Variants in CPEB3 observed in about 807,000 individuals in gnomAD.
CPEB3 encodes cytoplasmic polyadenylation element-binding protein 3.
Under a neutral mutation model 67.2 loss-of-function variants are expected in CPEB3, and 20 were observed. The ratio of observed to expected loss-of-function variants is 0.30; its 90% CI spans 0.21 to 0.43. The LOEUF (loss-of-function observed/expected upper bound fraction) is 0.43. CPEB3 is among the 20% of genes least tolerant of loss of function. The pLI is 1.00. For synonymous variants in CPEB3, 376 were observed against 393.1 expected (o/e 0.96, Z 0.51); for missense variants, 746 against 968.6 (o/e 0.77, Z 3.05).
chr10:92,098,378 G>A (rs1285559780), intron 7 of CPEB3, among the ~76,000 whole-genome samples: 1 of 151,312 alleles, frequency 6.6e-6, no homozygotes, highest in Non-Finnish European at 1.5e-5. Flanking sequence ...GCACGATCTT[G>A]GCTCACCACA....
At chr10:92,156,192 G>C (rs1847200631) in intron 4 of CPEB3, among the ~76,000 whole-genome samples, 1 of 152,166 alleles carries the variant, frequency 6.6e-6, no homozygotes, top group Admixed American at 6.5e-5. Flanking sequence ...CACTGGAGAA[G>C]GCTTCCTGGA....
At chr10:92,285,014 G>A (rs187065842) in intron 1 of CPEB3, among the ~76,000 whole-genome samples, 1 of 152,350 alleles carries the variant, frequency 6.6e-6, no homozygotes, top group African/African-American at 2.4e-5. Context: ...GGAAGTCCAA[G>A]ATCAAGGGGC....
chr10:92,110,117 T>C lies in CPEB3; in HGVS notation c.1572+959A>G, dbSNP rs7087177. ...ATTCAAAGCCAAGCAGATATTTAAA[T>C]ACAAGAGTCAACACTCAAACTTCTA... On this transcript the variant is annotated intron_variant, in intron 7 of 9. Coordinates refer to ENST00000265997, the MANE Select transcript of CPEB3 (RefSeq NM_014912.5). Among the ~76,000 whole-genome samples, 879 of 152,312 alleles carry C rather than the reference T, an allele frequency of 5.8e-3. 6 individuals are homozygous for C. Among genetic ancestry groups the C allele is most frequent in the African/African-American group, 0.02 (823 of 41,566 alleles).
chr10:92,287,978 A>G (rs969794888), intron 1 of CPEB3, among the ~76,000 whole-genome samples: 1 of 152,114 alleles, frequency 6.6e-6, no homozygotes, highest in Admixed American at 6.5e-5. Context: ...GAATCATACA[A>G]TATGTGGTCT....
rs531195477 is a variant in CPEB3 at position 92,106,814 on chromosome 10, C to CAAAAAAAA, written c.1572+4254_1572+4261dup. Among the ~76,000 whole-genome samples, 275 of 55,618 alleles carry CAAAAAAAA rather than the reference C, an allele frequency of 4.9e-3. 4 individuals carry two copies. The highest frequency in any genetic ancestry group is 0.015 in the African/African-American group (177 of 11,516). The allele number at this position is 55,618 out of a possible 152,430, so 36.5% of individuals were successfully genotyped here. On this transcript the variant is annotated intron_variant, in intron 7 of 9. Transcript: ENST00000265997. ...TAGGCAAAAGAGCAAGACTCTGTCT[C>CAAAAAAAA]AAAAAAAAAAAAAAAAAAAAAAAAA...
chr10:92,266,354 T>G (rs1311852234), intron 1 of CPEB3, among the ~76,000 whole-genome samples: 1 of 152,178 alleles, frequency 6.6e-6, no homozygotes, highest in Admixed American at 6.5e-5. Context: ...GGAAAGGTAT[T>G]GTTTTGCCTC....
In CPEB3 at chr10:92,048,305, G is replaced by C. The variant is rs1427788962; in HGVS notation, c.*3907C>G. 6.6e-6 allele frequency: 1 copy of C among 152,242 alleles called. No homozygotes were observed. The highest frequency in any genetic ancestry group is 1.5e-5 in the Non-Finnish European group (1 of 68,294). The allele number at this position is 152,242 out of a possible 1,614,324, so 9.4% of individuals were successfully genotyped here. On this transcript the variant is annotated 3_prime_UTR_variant, in exon 10 of 10. Coordinates refer to ENST00000265997, the MANE Select transcript of CPEB3 (RefSeq NM_014912.5). The surrounding 1 kb of genome is among the most constrained non-coding windows in gnomAD (Gnocchi z 4.1). ...ATCACCACTGTCAGTGCACATAAAAGATTCGGCCTGGGAGAAAGGCACTGT... is the reference window on the plus strand; with the variant it reads ...ATCACCACTGTCAGTGCACATAAAACATTCGGCCTGGGAGAAAGGCACTGT...
At chr10:92,244,658 C>T (rs940381825) in intron 1 of CPEB3, among the ~76,000 whole-genome samples, 2 of 151,902 alleles carry the variant, frequency 1.3e-5, no homozygotes, top group African/African-American at 2.4e-5. Flanking sequence ...AGGATGGTCT[C>T]GATCTCCTGA....
intron 1 of CPEB3, among the ~76,000 whole-genome samples, chr10:92,288,245 T>C (rs550571376): frequency 6.6e-6 from 1 of 152,152 alleles, no homozygotes; most frequent in East Asian, 1.9e-4. Flanking sequence ...GGATCATTTG[T>C]GCTCATGAGT....
rs375839778 is a variant in CPEB3, at chr10:92,231,711, A to ACTTTT, written c.1005+7630_1005+7634dup. On this transcript the variant is annotated intron_variant, in intron 2 of 9. Transcript: ENST00000265997. ...CAGTAAAACCCACACAGCTTAATCA[A>ACTTTT]CTTTTCTTTTCTTTTCTTTTCTTTT... Among the ~76,000 whole-genome samples the ACTTTT allele has an allele frequency of 1.3e-3, 194 of 151,806 alleles. 1 individual carries two copies. The highest frequency in any genetic ancestry group is 3.4e-3 in the Middle Eastern group (1 of 292).
intron 6 of CPEB3, among the ~76,000 whole-genome samples, chr10:92,122,194 G>T (rs1252521522): frequency 6.6e-6 from 1 of 152,238 alleles, no homozygotes; most frequent in Non-Finnish European, 1.5e-5. Context: ...AAAGGGAGCA[G>T]ATTTGTCCAA....
At chr10:92,175,427 C>T (rs1264608211) in intron 4 of CPEB3, among the ~76,000 whole-genome samples, 2 of 151,894 alleles carry the variant, frequency 1.3e-5, no homozygotes, top group African/African-American at 4.8e-5. Flanking sequence ...TGTGGACATA[C>T]GTTTTCATTT....
intron 4 of CPEB3, among the ~76,000 whole-genome samples, chr10:92,151,243 C>T (rs1364859392): frequency 6.6e-6 from 1 of 152,178 alleles, no homozygotes; most frequent in Non-Finnish European, 1.5e-5. Flanking sequence ...CTCTGAGCTC[C>T]CACCAAGGCC....
rs541659401 is a variant in CPEB3, at chr10:92,244,261, C to T, written c.-11-3900G>A. On this transcript the variant is annotated intron_variant, in intron 1 of 9. Transcript: ENST00000265997. ...ACTCGGGAGGCTGAGGCAGGAGAAT[C>T]GCTTGAACCTGGGAGGTAGAGGTTG... Among the ~76,000 whole-genome samples the T allele has an allele frequency of 3.1e-4, 47 of 151,142 alleles. 1 individual carries two copies. The highest frequency in any genetic ancestry group is 8.0e-4 in the African/African-American group (33 of 41,268).
intron 9 of CPEB3, among the ~76,000 whole-genome samples, chr10:92,055,672 C>G (rs532201249): frequency 1.3e-5 from 2 of 152,048 alleles, no homozygotes; most frequent in Non-Finnish European, 2.9e-5. Flanking sequence ...TTCGTTTTGC[C>G]TAGAAAGCTA....
intron 9 of CPEB3, among the ~76,000 whole-genome samples, chr10:92,055,505 G>A (rs1471172701): frequency 6.6e-6 from 1 of 152,088 alleles, no homozygotes; most frequent in African/African-American, 2.4e-5. Context: ...TCTTAAGCAG[G>A]AGACATTACG....
intron 9 of CPEB3, among the ~76,000 whole-genome samples, chr10:92,074,094 A>G (rs1002003495): frequency 6.6e-6 from 1 of 150,998 alleles, no homozygotes; most frequent in Non-Finnish European, 1.5e-5. Flanking sequence ...CTTTTTAACT[A>G]TTTTTTTTTA....
At chr10:92,216,621 G>A in intron 2 of CPEB3, 1 of 1,609,918 alleles carries the variant, frequency 6.2e-7, no homozygotes, top group South Asian at 1.1e-5. Flanking sequence ...CTCCCAGTTA[G>A]GTGTGAGGAC....
intron 9 of CPEB3, among the ~76,000 whole-genome samples, chr10:92,052,676 G>C (rs1169822419): frequency 6.6e-6 from 1 of 152,168 alleles, no homozygotes; most frequent in Non-Finnish European, 1.5e-5. Flanking sequence ...CTCTATCACT[G>C]TATCTGTAAA....
Sources: allele counts gnomAD v4.1 joint callset (sites outside exome capture counted in the v4.1 genomes callset), GRCh38; gene constraint gnomAD v4.1.1; non-coding constraint Gnocchi (gnomAD v3.1); transcripts MANE v1.5; gene names NCBI Gene and HGNC (gene_info 2026-07-23, HGNC 2026-07-21).